ABCC12: variants seen among roughly 807,000 people sequenced by gnomAD.
ABCC12 encodes ATP-binding cassette sub-family C member 12.
Under a neutral mutation model 151.1 loss-of-function variants are expected in ABCC12, and 142 were observed. The observed-to-expected ratio is 0.94, with a 90% CI of 0.82 to 1.08. ABCC12 has a LOEUF of 1.08. Ranked by LOEUF, ABCC12 falls within the 50% of genes least tolerant of loss-of-function variation. The pLI is 0.00. For synonymous variants in ABCC12, 645 were observed against 646.4 expected, an observed-to-expected ratio of 1.00 and a Z score of 0.03; for missense variants, 1,638 against 1,691.1, an observed-to-expected ratio of 0.97 and a Z score of 0.55.
intron 23 of ABCC12, among the ~76,000 whole-genome samples, chr16:48,099,683 T>G (rs1221451217): frequency 1.3e-5 from 2 of 152,192 alleles, no homozygotes; most frequent in Non-Finnish European, 2.9e-5. Flanking sequence ...GACACTTCGC[T>G]AGGGTTGGAC....
At chr16:48,137,808 AGT>A (rs1964662510) in intron 8 of ABCC12, among the ~76,000 whole-genome samples, 1 of 152,238 alleles carries the variant, frequency 6.6e-6, no homozygotes, top group Admixed American at 6.5e-5. Flanking sequence ...GTGTTGAGTC[AGT>A]GGACCATCCG....
Position 48,125,316 on chromosome 16 carries a change from A to G in ABCC12, c.1516-1032T>C, listed in dbSNP as rs929534141. ...ACTGACTATAGCTTTGTCCCACCCA[A>G]TGGCAGAGGAGGTGGGGTATTGATG... On this transcript the variant is annotated intron_variant, in intron 11 of 30. Coordinates refer to ENST00000311303, the MANE Select transcript of ABCC12 (RefSeq NM_001393797.1). Among the ~76,000 whole-genome samples the G allele has an allele frequency of 5.9e-5, 9 of 152,274 alleles. No individual in the cohort carries two copies. The East Asian group carries it at 1.2e-3, about 20-fold the overall frequency.
chr16:48,104,199 A>G lies in ABCC12; in HGVS notation c.2843T>C (p.Phe948Ser). 6.2e-7 allele frequency: 1 copy of G among 1,614,248 alleles called. No homozygotes were observed. Among genetic ancestry groups the G allele is most frequent in the Non-Finnish European group, 8.5e-7 (1 of 1,180,042 alleles). The part of the protein sequence containing the change: ...VFILVILAAV[F>S]PAVLLVVASL... ...GGCCACGACTAAAAGGACAGCAGGA[A>G]ACACAGCAGCCAAGATCACGAGAAT... The change falls in exon 22 of 31, where the codon TTT (phenylalanine) becomes TCT (serine). Residue 948 changes from phenylalanine to serine, a missense_variant. Transcript: ENST00000311303.
chr16:48,111,521 TAA>T lies in ABCC12; in HGVS notation c.2210-16_2210-15del. On this transcript the variant is annotated splice_polypyrimidine_tract_variant and intron_variant, in intron 17 of 30. Coordinates refer to ENST00000311303, the MANE Select transcript of ABCC12 (RefSeq NM_001393797.1). ...CTGGAGCCAAAACTAGGGTGAGAAA[TAA>T]AGAGAGATCTGTGTCCATTCAAGCC... The T allele has an allele frequency of 1.9e-6, 3 of 1,614,084 alleles. No individual in the cohort carries two copies. The highest frequency in any genetic ancestry group is 2.7e-5 in the African/African-American group (2 of 75,012).
chr16:48,107,219 T>G (rs1017431776), intron 20 of ABCC12, 103 bp downstream of exon 20: 1 of 1,078,764 alleles, frequency 9.3e-7, no homozygotes, highest in African/African-American at 1.5e-5. Context: ...GAGGGATGCA[T>G]GTGGGCTCAT....
At chr16:48,096,960 G>A in intron 23 of ABCC12, 58 bp from the exon 24 acceptor site, 1 of 1,610,950 alleles carries the variant, frequency 6.2e-7, no homozygotes, top group South Asian at 1.1e-5. Context: ...AGAAAAAGCA[G>A]GAGATCAGGT....
chr16:48,100,509 A>C (rs1166669361), intron 23 of ABCC12, among the ~76,000 whole-genome samples: 1 of 152,224 alleles, frequency 6.6e-6, no homozygotes, highest in Non-Finnish European at 1.5e-5. Context: ...AAAGAACAAA[A>C]AATGGAAGGA....
intron 9 of ABCC12, among the ~76,000 whole-genome samples, chr16:48,132,084 AT>A (rs1412188683): frequency 6.6e-6 from 1 of 152,242 alleles, no homozygotes; most frequent in Non-Finnish European, 1.5e-5. Flanking sequence ...CTAAACTATC[AT>A]GTTGGAAAAT....
chr16:48,114,088 G>A (rs998550447), intron 15 of ABCC12, among the ~76,000 whole-genome samples: 3 of 152,172 alleles, frequency 2.0e-5, no homozygotes, highest in African/African-American at 7.2e-5. Flanking sequence ...AGAAGAACTA[G>A]GCCAGAAGAA....
chr16:48,139,107 GA>G, intron 7 of ABCC12, 55 bp downstream of exon 7: 1 of 1,511,314 alleles, frequency 6.6e-7, no homozygotes, highest in South Asian at 1.3e-5. Flanking sequence ...CCAATTCAGT[GA>G]AAGTGTGTGA....
chr16:48,136,225 C>T (rs1964604062), intron 8 of ABCC12, among the ~76,000 whole-genome samples: 1 of 152,146 alleles, frequency 6.6e-6, no homozygotes, highest in African/African-American at 2.4e-5. Context: ...CCAGCACCCC[C>T]TAGTCCCCAA....
intron 13 of ABCC12, among the ~76,000 whole-genome samples, 154 bp from the exon 14 acceptor site, chr16:48,117,487 A>G (rs962334353): frequency 2.6e-5 from 4 of 152,178 alleles, no homozygotes; most frequent in Non-Finnish European, 5.9e-5. Flanking sequence ...TCTGCCTTCA[A>G]TGACCCAAGG....
chr16:48,085,551 A>G (rs1397266934), intron 29 of ABCC12, 42 bp downstream of exon 29: 1 of 1,577,764 alleles, frequency 6.3e-7, no homozygotes, highest in Non-Finnish European at 8.7e-7. Context: ...CGCTGCGGGA[A>G]ATATCCAAAA....
chr16:48,144,034 G>C lies in ABCC12; in HGVS notation c.151C>G (p.Leu51Val). ...CAGGAAAATGTGGCGAAGGAGAGTAGCCCGGCATCATCCACCGGGTTGGGT... is the reference window on the plus strand; with the variant it reads ...CAGGAAAATGTGGCGAAGGAGAGTACCCCGGCATCATCCACCGGGTTGGGT... ...LAPNPVDDAG[L>V]LSFATFSWLT... is the part of the protein sequence containing the mutation. Residue 51 changes from leucine to valine, a missense_variant, in exon 4 of 31, where the codon CTA (leucine) becomes GTA (valine). Transcript: ENST00000311303. 3.1e-6 allele frequency: 5 copies of C among 1,614,126 alleles called. No homozygotes were observed. Among genetic ancestry groups the C allele is most frequent in the Middle Eastern group, 3.3e-4 (2 of 6,060 alleles).
At chr16:48,099,280 C>T (rs1379510748) in intron 23 of ABCC12, among the ~76,000 whole-genome samples, 1 of 151,692 alleles carries the variant, frequency 6.6e-6, no homozygotes, top group Non-Finnish European at 1.5e-5. Context: ...TAGCTGGGCC[C>T]CAGTTACTTG....
chr16:48,100,176 T>C (rs1963253033), intron 23 of ABCC12, among the ~76,000 whole-genome samples: 1 of 152,180 alleles, frequency 6.6e-6, no homozygotes, highest in Non-Finnish European at 1.5e-5. Context: ...GCCAGGCTGG[T>C]CTCAAACTCC....
At chr16:48,152,935 T>G (rs1965136157) in intron 2 of ABCC12, among the ~76,000 whole-genome samples, 1 of 152,212 alleles carries the variant, frequency 6.6e-6, no homozygotes, top group Admixed American at 6.5e-5. Flanking sequence ...CTGGATTGGA[T>G]GCTTGACCAG....
At chr16:48,121,007 T>C (rs1597315592) in intron 13 of ABCC12, among the ~76,000 whole-genome samples, 1 of 152,198 alleles carries the variant, frequency 6.6e-6, no homozygotes, top group Non-Finnish European at 1.5e-5. Context: ...TATAATACAT[T>C]AAAATTTATC....
In ABCC12 at chr16:48,115,560, C is replaced by A. The variant is rs547878738; in HGVS notation, c.1844G>T (p.Arg615Leu). The part of the protein sequence containing the change: ...GGQRQRISLA[R>L]AVYSDRQLYL... ...GAGCTGACGGTCGGAGTAGACAGCG[C>A]GGGCCAGGCTAATCCTCTGCCTCTG... The change falls in exon 15 of 31, where the codon CGC becomes CTC. Residue 615 changes from arginine to leucine, a missense_variant. By Grantham distance (102) the Arg-to-Leu change is moderately radical. Transcript: ENST00000311303. 1.7e-5 allele frequency: 28 copies of A among 1,614,048 alleles called. 1 individual carries two copies. Among genetic ancestry groups the A allele is most frequent in the African/African-American group, 2.7e-5 (2 of 74,954 alleles).
Sources: gnomAD v4.1 joint callset for allele counts (sites outside exome capture counted in the v4.1 genomes callset) on GRCh38, gnomAD v4.1.1 for gene constraint, MANE v1.5 for transcripts, NCBI Gene and HGNC (gene_info 2026-07-23, HGNC 2026-07-21) for gene names.